Variants in ZNF516 observed in about 807,000 individuals in gnomAD.
ZNF516 encodes zinc finger protein 516.
A neutral mutation model predicts 79.7 loss-of-function variants in ZNF516; 19 were observed. The observed-to-expected ratio is 0.24, with a 90% CI of 0.17 to 0.35. ZNF516 has a LOEUF of 0.35. Ranked by LOEUF, ZNF516 falls within the 10% of genes least tolerant of loss-of-function variation. The pLI, the probability that ZNF516 is intolerant of heterozygous loss-of-function variation, is 1.00. For missense variants in ZNF516, 1,678 were observed against 1,679.5 expected (o/e 1.00, Z 0.02); for synonymous variants, 877 against 739.5 (o/e 1.19, Z -3.02).
intron 3 of ZNF516, among the ~76,000 whole-genome samples, chr18:76,413,337 C>T (rs1373337323): frequency 6.6e-6 from 1 of 152,112 alleles, no homozygotes; most frequent in Non-Finnish European, 1.5e-5. Context: ...ATCTAAAATC[C>T]TTCTCTGGCG....
chr18:76,406,257 C>T (rs892116500), intron 3 of ZNF516, among the ~76,000 whole-genome samples: 2 of 152,186 alleles, frequency 1.3e-5, no homozygotes, highest in Admixed American at 1.3e-4. Context: ...TCTACTTAGC[C>T]AATCTTCCTC....
chr18:76,388,037 G>C (rs2075018210), intron 3 of ZNF516: 1 of 152,234 alleles, frequency 6.6e-6, no homozygotes, highest in African/African-American at 2.4e-5. Flanking sequence ...ACATCGAGAG[G>C]AGTATGGCTG....
intron 1 of ZNF516, among the ~76,000 whole-genome samples, chr18:76,484,321 A>G (rs946504493): frequency 6.6e-6 from 1 of 152,244 alleles, no homozygotes; most frequent in Non-Finnish European, 1.5e-5. Context: ...TCCTGCAGTT[A>G]TAACACATAT....
chr18:76,459,774 G>A lies in ZNF516; in HGVS notation c.-158+3254C>T, dbSNP rs1375523655. ...TGGGTATCCCATCACAACGCGGGAG[G>A]ATTCAGGGCCAACTGCAGGCCCCCG... On this transcript the variant is annotated intron_variant, in intron 2 of 6. Transcript: ENST00000443185. The surrounding 1 kb of genome is among the most constrained non-coding windows in gnomAD (Gnocchi z 5.0). Among the ~76,000 whole-genome samples, 2 of 152,196 alleles carry A rather than the reference G, an allele frequency of 1.3e-5. No homozygotes were observed. The highest frequency in any genetic ancestry group is 4.8e-5 in the African/African-American group (2 of 41,456).
intron 1 of ZNF516, among the ~76,000 whole-genome samples, chr18:76,465,296 G>A (rs547854400): frequency 1.3e-3 from 205 of 152,312 alleles, no homozygotes; most frequent in African/African-American, 4.6e-3. Flanking sequence ...CTTCAGATTT[G>A]GCAGTTACAG....
At chr18:76,458,151 T>A (rs1250947203) in intron 2 of ZNF516, among the ~76,000 whole-genome samples, 2 of 152,346 alleles carry the variant, frequency 1.3e-5, no homozygotes, top group East Asian at 3.9e-4. Flanking sequence ...TAACATCATC[T>A]ATAGCTTCTT....
chr18:76,467,524 G>C lies in ZNF516; in HGVS notation c.-271-4383C>G, dbSNP rs1913560100. On this transcript the variant is annotated intron_variant, in intron 1 of 6. Transcript: ENST00000443185. This position sits in a 1 kb window ranked among gnomAD's most constrained non-coding sequence, Gnocchi z 4.2. ...GAATTACAGCATCCACAGGTGCTGGGCTTTCCTGGAGGCTGCAAGTAAGTG... is the reference window on the plus strand; with the variant it reads ...GAATTACAGCATCCACAGGTGCTGGCCTTTCCTGGAGGCTGCAAGTAAGTG... 6.6e-6 allele frequency among the ~76,000 whole-genome samples: 1 copy of C among 152,170 alleles called. No individual in the cohort carries two copies. Among genetic ancestry groups the C allele is most frequent in the South Asian group, 2.1e-4 (1 of 4,828 alleles).
rs146132053 is a variant in ZNF516 at position 76,482,465 on chromosome 18, G to A, written c.-272+12679C>T. 7.1e-3 allele frequency among the ~76,000 whole-genome samples: 1,078 copies of A among 152,316 alleles called. 12 individuals carry two copies. The highest frequency in any genetic ancestry group is 9.9e-3 in the Admixed American group (152 of 15,302). On this transcript the variant is annotated intron_variant, in intron 1 of 6. Coordinates refer to ENST00000443185, the MANE Select transcript of ZNF516 (RefSeq NM_014643.4). ...CCACAGGCCCGGCAGCGGCAGCCCC[G>A]CGATCTCCAGGGTGGACGTCGGTAC...
At chr18:76,378,161 G>A (rs527364640) in intron 4 of ZNF516, 2 of 152,350 alleles carry the variant, frequency 1.3e-5, no homozygotes, top group South Asian at 2.1e-4. Flanking sequence ...CCAGAACGGG[G>A]CACCGCATGC....
intron 3 of ZNF516, among the ~76,000 whole-genome samples, chr18:76,402,820 C>G (rs2075249346): frequency 6.6e-6 from 1 of 152,262 alleles, no homozygotes; most frequent in African/African-American, 2.4e-5. Context: ...ACACTGGCAG[C>G]TGCCGTCTGC....
At chr18:76,473,692 T>C (rs1913998375) in intron 1 of ZNF516, among the ~76,000 whole-genome samples, 2 of 151,800 alleles carry the variant, frequency 1.3e-5, no homozygotes, top group Admixed American at 1.3e-4. Flanking sequence ...TCCCAGCTAC[T>C]TGGGAAGCTG....
intron 2 of ZNF516, among the ~76,000 whole-genome samples, chr18:76,445,174 T>C (rs571289763): frequency 4.6e-4 from 70 of 151,920 alleles, no homozygotes; most frequent in Non-Finnish European, 6.2e-4. Flanking sequence ...GGAGCATCGC[T>C]TGAACCCGGG....
upstream of ZNF516, chr18:76,495,781 T>TC: frequency 6.2e-6 from 7 of 1,126,596 alleles, no homozygotes; most frequent in Non-Finnish European, 7.7e-6. Context: ...CCTTCGGGGG[T>TC]CCCAGGTGCG....
intron 3 of ZNF516, among the ~76,000 whole-genome samples, chr18:76,411,174 G>A (rs570902209): frequency 3.3e-5 from 5 of 152,312 alleles, no homozygotes; most frequent in East Asian, 3.9e-4. Flanking sequence ...TGTTCAACAC[G>A]TAGCCTCTCA....
At chr18:76,443,557 G>A (rs570675478) in intron 2 of ZNF516, among the ~76,000 whole-genome samples, 5 of 152,224 alleles carry the variant, frequency 3.3e-5, no homozygotes, top group Admixed American at 3.3e-4. Context: ...AAGACCATGT[G>A]GGAATTAGGG....
chr18:76,412,559 G>T (rs1255686672), intron 3 of ZNF516, among the ~76,000 whole-genome samples: 7 of 152,192 alleles, frequency 4.6e-5, no homozygotes, highest in Admixed American at 4.6e-4. Context: ...AATGGCCATG[G>T]AGACTGACCT....
At chr18:76,495,873 A>G (rs1339370003), upstream of ZNF516, 14 of 505,110 alleles carry the variant, frequency 2.8e-5, no homozygotes, top group Non-Finnish European at 4.0e-5. Flanking sequence ...TGCAGGATCA[A>G]TACATTAAGT....
chr18:76,441,091 G>C (rs1023334313), intron 3 of ZNF516, among the ~76,000 whole-genome samples, 154 bp downstream of exon 3: 5 of 152,182 alleles, frequency 3.3e-5, no homozygotes, highest in Non-Finnish European at 7.4e-5. Context: ...GGAGTCCTGA[G>C]TCCCAGGGTT....
chr18:76,362,358 G>A lies in ZNF516; in HGVS notation c.*140C>T, dbSNP rs993485973. On this transcript the variant is annotated 3_prime_UTR_variant, in exon 7 of 7. Transcript: ENST00000443185. Reference sequence around the variant, plus strand: ...AGTTTCCACTCCAGCGCAGCGGCTCGGGATGTGAGGTGTCTGCTCAGGAGT... The same window carrying A: ...AGTTTCCACTCCAGCGCAGCGGCTCAGGATGTGAGGTGTCTGCTCAGGAGT... 2.2e-5 allele frequency: 15 copies of A among 678,304 alleles called. No individual in the cohort carries two copies. Among genetic ancestry groups the A allele is most frequent in the East Asian group, 5.6e-5 (2 of 35,966 alleles). The allele number at this position is 678,304 out of a possible 1,614,324, so 42.0% of individuals were successfully genotyped here.
Sources: gnomAD v4.1 joint callset for allele counts (sites outside exome capture counted in the v4.1 genomes callset) on GRCh38, gnomAD v4.1.1 for gene constraint, Gnocchi (gnomAD v3.1) non-coding constraint, MANE v1.5 for transcripts, NCBI Gene and HGNC (gene_info 2026-07-23, HGNC 2026-07-21) for gene names.